The following BCL2 variants were observed in gnomAD, a reference collection of about 807,000 sequenced individuals.
BCL2 encodes the protein apoptosis regulator Bcl-2.
In BCL2, 1 loss-of-function variant was observed where a neutral mutation model predicts 14.2. That is an observed-to-expected ratio of 0.07 (90% CI 0.02 to 0.33). The LOEUF (loss-of-function observed/expected upper bound fraction) is 0.33, where lower values mean the gene tolerates loss of function less well. Among genes scored for constraint, BCL2 ranks in the 10% least tolerant of loss-of-function variants. The probability of loss-of-function intolerance (pLI) is 0.99; values close to 1 mark genes in which losing one functional copy is unlikely to be tolerated. For synonymous variants in BCL2, 151 were observed against 137.2 expected, an observed-to-expected ratio of 1.10 and a Z score of -0.70; for missense variants, 247 against 305.9, an observed-to-expected ratio of 0.81 and a Z score of 1.44.
At chr18:63,203,447 A>G (rs911507286) in intron 2 of BCL2, among the ~76,000 whole-genome samples, 6 of 152,228 alleles carry the variant, frequency 3.9e-5, no homozygotes, top group African/African-American at 1.4e-4. Flanking sequence ...GAGCCTCCTG[A>G]GGTGATATCA....
At position 63,128,887 on chromosome 18, in the gene BCL2, A is replaced by T. The variant is rs955329516; in HGVS notation, c.586-128T>A. ...CACCTTCAGAAGGGTGAGAGGGGAA[A>T]AGGCAAATGCTCTTTGGAGGCCATG... On this transcript the variant is annotated intron_variant, in intron 2 of 2. Coordinates refer to ENST00000333681, the MANE Select transcript of BCL2 (RefSeq NM_000633.3). 2.4e-5 allele frequency: 14 copies of T among 590,570 alleles called. No individual in the cohort carries two copies. The South Asian group carries it at 3.2e-4, about 14-fold the overall frequency. 36.6% of individuals were successfully genotyped at this position (590,570 alleles called of 1,614,324 possible).
At chr18:63,154,270 C>A (rs1914720225) in intron 2 of BCL2, among the ~76,000 whole-genome samples, 1 of 152,190 alleles carries the variant, frequency 6.6e-6, no homozygotes, top group Non-Finnish European at 1.5e-5. Context: ...TCTGGTCTTA[C>A]AGAAGCCACT....
chr18:63,131,407 T>C (rs1264574159), intron 2 of BCL2, among the ~76,000 whole-genome samples: 1 of 152,226 alleles, frequency 6.6e-6, no homozygotes, highest in African/African-American at 2.4e-5. Context: ...GTGTGTTTAG[T>C]GCTCTTAGCA....
chr18:63,302,398 C>T, intron 2 of BCL2: 2 of 985,162 alleles, frequency 2.0e-6, no homozygotes, highest in Non-Finnish European at 2.4e-6. Flanking sequence ...GTTTGGGGAG[C>T]CTGATGGTGA....
intron 2 of BCL2, among the ~76,000 whole-genome samples, chr18:63,148,853 C>G (rs1229896768): frequency 1.3e-5 from 2 of 152,166 alleles, no homozygotes; most frequent in African/African-American, 2.4e-5. Context: ...TAAGTTATTA[C>G]TGCTGTCACC....
At chr18:63,139,293 A>C (rs1914294497) in intron 2 of BCL2, among the ~76,000 whole-genome samples, 1 of 152,252 alleles carries the variant, frequency 6.6e-6, no homozygotes, top group South Asian at 2.1e-4. Flanking sequence ...AGTGCTAAAA[A>C]TATGTTAATA....
chr18:63,317,879 C>T (rs997376863), intron 2 of BCL2: 7 of 1,421,780 alleles, frequency 4.9e-6, no homozygotes, highest in Non-Finnish European at 5.5e-6. Context: ...AAGTTAAAGA[C>T]TTTTAGATGG....
rs1266746959 is a variant in BCL2 at position 63,318,740 on chromosome 18, A to G, written c.-74T>C. 1.3e-5 allele frequency: 20 copies of G among 1,598,146 alleles called. No homozygotes were observed. The highest frequency in any genetic ancestry group is 1.4e-5 in the Non-Finnish European group (16 of 1,172,706). ...CTCCCACCCCACGGCCCCCAGAGAA[A>G]GAAGAGGAGTTATAATCCAGCTATT... On this transcript the variant is annotated 5_prime_UTR_variant, in exon 2 of 3. Coordinates refer to ENST00000333681, the MANE Select transcript of BCL2 (RefSeq NM_000633.3). This position sits in a 1 kb window ranked among gnomAD's most constrained non-coding sequence, Gnocchi z 7.4.
At chr18:63,144,189 C>T (rs879715063) in intron 2 of BCL2, among the ~76,000 whole-genome samples, 1 of 152,228 alleles carries the variant, frequency 6.6e-6, no homozygotes, top group Non-Finnish European at 1.5e-5. Flanking sequence ...TTTCTTTCCT[C>T]TAGCTTTGAT....
chr18:63,217,546 C>T (rs1156875816), intron 2 of BCL2, among the ~76,000 whole-genome samples: 1 of 152,154 alleles, frequency 6.6e-6, no homozygotes, highest in Non-Finnish European at 1.5e-5. Context: ...AATAGTTCAC[C>T]CACATTTCCC....
chr18:63,180,671 T>C (rs575571965), intron 2 of BCL2, among the ~76,000 whole-genome samples: 5 of 152,302 alleles, frequency 3.3e-5, no homozygotes, highest in African/African-American at 9.6e-5. Flanking sequence ...TGAAGCTGCA[T>C]TGTAGGATAG....
chr18:63,186,148 A>T lies in BCL2; in HGVS notation c.586-57389T>A, dbSNP rs539107133. Among the ~76,000 whole-genome samples, 7 of 152,282 alleles carry T rather than the reference A, an allele frequency of 4.6e-5. No individual in the cohort carries two copies. In the South Asian group the frequency reaches 1.5e-3, roughly 32 times the overall value. ...TGGAGAGCCTGAACAATAAATTATCACTAGCTCAAGTGCTAAAATAGCACT... is the reference window on the plus strand; with the variant it reads ...TGGAGAGCCTGAACAATAAATTATCTCTAGCTCAAGTGCTAAAATAGCACT... On this transcript the variant is annotated intron_variant, in intron 2 of 2. Transcript: ENST00000333681.
chr18:63,281,993 C>A (rs558115988), intron 2 of BCL2, among the ~76,000 whole-genome samples: 2 of 152,166 alleles, frequency 1.3e-5, no homozygotes, highest in Non-Finnish European at 2.9e-5. Context: ...TAAATACGCA[C>A]AAGGATTTCT....
chr18:63,196,677 G>A (rs977016190), intron 2 of BCL2, among the ~76,000 whole-genome samples: 3 of 151,898 alleles, frequency 2.0e-5, no homozygotes, highest in Non-Finnish European at 2.9e-5. Flanking sequence ...AGAACCGTGC[G>A]GCCCTTTATC....
At chr18:63,222,325 C>G (rs1339772010) in intron 2 of BCL2, among the ~76,000 whole-genome samples, 3 of 136,908 alleles carry the variant, frequency 2.2e-5, no homozygotes, top group Admixed American at 2.1e-4. Flanking sequence ...AAAAAAGAAA[C>G]AAAGAAAAGG....
chr18:63,235,604 A>G (rs1484116147), intron 2 of BCL2, among the ~76,000 whole-genome samples: 3 of 151,590 alleles, frequency 2.0e-5, no homozygotes, highest in Non-Finnish European at 2.9e-5. Flanking sequence ...ATGCATGGTT[A>G]TAATGAGCAT....
intron 2 of BCL2, among the ~76,000 whole-genome samples, chr18:63,277,158 G>A (rs921517612): frequency 3.3e-5 from 5 of 152,046 alleles, no homozygotes; most frequent in African/African-American, 7.2e-5. Flanking sequence ...GGGCTCCTTC[G>A]TCACTTCCCT....
intron 2 of BCL2, among the ~76,000 whole-genome samples, chr18:63,275,410 C>A (rs900305882): frequency 5.3e-5 from 8 of 152,064 alleles, no homozygotes; most frequent in Non-Finnish European, 7.4e-5. Context: ...AGTGGCTCTC[C>A]CCTTCCTGTC....
chr18:63,181,879 C>G (rs367927893), intron 2 of BCL2, among the ~76,000 whole-genome samples: 1 of 152,224 alleles, frequency 6.6e-6, no homozygotes, highest in South Asian at 2.1e-4. Context: ...GCCCTGCCTC[C>G]TCTTCTGAGC....
Sources: gnomAD v4.1 joint callset for allele counts (sites outside exome capture counted in the v4.1 genomes callset) on GRCh38, gnomAD v4.1.1 for gene constraint, Gnocchi (gnomAD v3.1) non-coding constraint, MANE v1.5 for transcripts, NCBI Gene and HGNC (gene_info 2026-07-23, HGNC 2026-07-21) for gene names.